Variants in PRND observed in about 807,000 individuals in gnomAD.
The protein encoded by PRND is prion-like protein doppel.
For missense variants in PRND, 227 were observed against 223.3 expected (o/e 1.02, Z -0.11); for synonymous variants, 94 against 93.2 (o/e 1.01, Z -0.05).
chr20:4,722,579 CT>C (rs57057107), intron 1 of PRND, among the ~76,000 whole-genome samples: 26 of 147,476 alleles, frequency 1.8e-4, no homozygotes, highest in South Asian at 2.1e-4. Flanking sequence ...TGTGTTTTGC[CT>C]TTTTTTTTTA....
Position 4,724,902 on chromosome 20 carries a change from G to A in PRND, c.351G>A (p.Gln117=). 1 of 1,614,188 alleles carries A rather than the reference G, an allele frequency of 6.2e-7. No homozygotes were observed. The highest frequency in any genetic ancestry group is 8.5e-7 in the Non-Finnish European group (1 of 1,180,040). The change falls in exon 2 of 2, where the codon CAG becomes CAA. Residue 117 remains glutamine, a synonymous_variant. Transcript: ENST00000305817. This position sits in a 1 kb window ranked among gnomAD's most constrained non-coding sequence, Gnocchi z 4.8. ...TCAATGCCACCCAGGCGGCGAACCA[G>A]GGGGAGTTCCAGAAGCCAGACAACA... ...GCINATQAAN[Q]GEFQKPDNKL...
intron 1 of PRND, among the ~76,000 whole-genome samples, chr20:4,723,938 ATGTGTGTGTGTGTGTGTG>A (rs78289429): frequency 2.7e-5 from 4 of 146,108 alleles, no homozygotes; most frequent in African/African-American, 2.5e-5. Flanking sequence ...TCTCTAAAAT[ATGTGTGTGTGTGTGTGTG>A]TGTGTGTGTG....
chr20:4,724,510 G>A lies in PRND; in HGVS notation c.-11-31G>A, dbSNP rs1392315100. The A allele has an allele frequency of 1.9e-6, 3 of 1,613,126 alleles. No homozygotes were observed. Among genetic ancestry groups the A allele is most frequent in the Non-Finnish European group, 2.5e-6 (3 of 1,179,988 alleles). On this transcript the variant is annotated intron_variant, in intron 1 of 1. Transcript: ENST00000305817. This position sits in a 1 kb window ranked among gnomAD's most constrained non-coding sequence, Gnocchi z 4.8. The stretch of plus-strand genomic sequence containing the variant: ...CAGGGGAGCCCAGGCAGGCCTGGTG[G>A]GGAGCTGACCCACCGCCGTTTCTCT...
rs577086482 is a variant in PRND at position 4,726,421 on chromosome 20, C to G, written c.*1339C>G. ...AAAAATACAATTACTCACCAAAAAG[C>G]TTTAAAAAATAAAGCTGTGTCTTTA... On this transcript the variant is annotated 3_prime_UTR_variant, in exon 2 of 2. Transcript: ENST00000305817. 5.4e-5 allele frequency: 9 copies of G among 167,066 alleles called. 1 individual carries two copies. The South Asian group carries it at 1.9e-3, about 35-fold the overall frequency. 10.3% of individuals were successfully genotyped at this position (167,066 alleles called of 1,614,324 possible). A position where few individuals can be genotyped will look rare whatever the true frequency, so the allele number is the denominator to read the frequency against.
rs59537500 is a variant in PRND, at chr20:4,727,793, C to CTTTTTTTTTTTTTTTTTTTTTTTTTT, written c.*2721_*2722insTTTTTTTTTTTTTTTTTTTTTTTTTT. On this transcript the variant is annotated 3_prime_UTR_variant, in exon 2 of 2. Coordinates refer to ENST00000305817, the MANE Select transcript of PRND (RefSeq NM_012409.4). ...AATGCTTTCTACTCATTTTTCTATA[C>CTTTTTTTTTTTTTTTTTTTTTTTTTT]TTTTTTTTTTGAGGCAGAGTCTCAT... 11 of 142,550 alleles carry CTTTTTTTTTTTTTTTTTTTTTTTTTT rather than the reference C, an allele frequency of 7.7e-5. 1 individual carries two copies. Among genetic ancestry groups the CTTTTTTTTTTTTTTTTTTTTTTTTTT allele is most frequent in the African/African-American group, 2.7e-4 (9 of 33,742 alleles). The allele number at this position is 142,550 out of a possible 1,614,324, so 8.8% of individuals were successfully genotyped here.
chr20:4,723,412 G>GGTCA (rs1923160030), intron 1 of PRND, among the ~76,000 whole-genome samples: 1 of 152,182 alleles, frequency 6.6e-6, no homozygotes, highest in African/African-American at 2.4e-5. Flanking sequence ...ATAAGCAGAT[G>GGTCA]GTCACACTGT....
rs1923244835 is a variant in PRND, at chr20:4,725,786, A to G, written c.*704A>G. 6.0e-6 allele frequency: 1 copy of G among 167,202 alleles called. No homozygotes were observed. Among genetic ancestry groups the G allele is most frequent in the East Asian group, 1.9e-4 (1 of 5,192 alleles). The allele number at this position is 167,202 out of a possible 1,614,324, so 10.4% of individuals were successfully genotyped here. On this transcript the variant is annotated 3_prime_UTR_variant, in exon 2 of 2. Transcript: ENST00000305817. The stretch of plus-strand genomic sequence containing the variant: ...GGCCCAGAAATCATACTGTAAGGAA[A>G]TGTTATTGGAAGCTGATTCCCAGAG...
At chr20:4,723,751 G>A (rs1378811630) in intron 1 of PRND, among the ~76,000 whole-genome samples, 1 of 152,116 alleles carries the variant, frequency 6.6e-6, no homozygotes, top group Non-Finnish European at 1.5e-5. Flanking sequence ...GCAACATAGT[G>A]AGACCCCGTT....
chr20:4,722,996 C>A (rs1346244252), intron 1 of PRND, among the ~76,000 whole-genome samples: 1 of 152,184 alleles, frequency 6.6e-6, no homozygotes, highest in Non-Finnish European at 1.5e-5. Flanking sequence ...GACCCGGGAC[C>A]CTCCTGGTGT....
intron 1 of PRND, among the ~76,000 whole-genome samples, chr20:4,722,417 CA>C (rs1923128809): frequency 6.6e-6 from 1 of 151,844 alleles, no homozygotes; most frequent in Non-Finnish European, 1.5e-5. Context: ...TCACTGTGCT[CA>C]GGAGGCAGAG....
chr20:4,724,914 G>A lies in PRND; in HGVS notation c.363G>A (p.Gln121=), dbSNP rs753753305. The change falls in exon 2 of 2, where the codon CAG becomes CAA. Residue 121 remains glutamine (Q), a synonymous_variant. Transcript: ENST00000305817. This position sits in a 1 kb window ranked among gnomAD's most constrained non-coding sequence, Gnocchi z 4.8. ...ATQAANQGEF[Q]KPDNKLHQQV... ...AGGCGGCGAACCAGGGGGAGTTCCA[G>A]AAGCCAGACAACAAGCTCCACCAGC... is the stretch of plus-strand genomic sequence containing the variant. 12 of 1,614,216 alleles carry A rather than the reference G, an allele frequency of 7.4e-6. No individual in the cohort carries two copies. Among genetic ancestry groups the A allele is most frequent in the Non-Finnish European group, 1.0e-5 (12 of 1,180,052 alleles).
rs1923318502 is a variant in PRND, at chr20:4,727,787, T to C, written c.*2705T>C. On this transcript the variant is annotated 3_prime_UTR_variant, in exon 2 of 2. Coordinates refer to ENST00000305817, the MANE Select transcript of PRND (RefSeq NM_012409.4). ...TAATTCAATGCTTTCTACTCATTTT[T>C]CTATACTTTTTTTTTTGAGGCAGAG... The C allele has an allele frequency of 6.4e-6, 1 of 157,294 alleles. No individual in the cohort carries two copies. The highest frequency in any genetic ancestry group is 1.5e-5 in the Non-Finnish European group (1 of 65,864). The allele number at this position is 157,294 out of a possible 1,614,324, so 9.7% of individuals were successfully genotyped here. A position where few individuals can be genotyped will look rare whatever the true frequency, so the allele number is the denominator to read the frequency against.
chr20:4,723,787 C>G, intron 1 of PRND, among the ~76,000 whole-genome samples: 1 of 151,926 alleles, frequency 6.6e-6, no homozygotes, highest in Non-Finnish European at 1.5e-5. Flanking sequence ...TAAAAATTAG[C>G]TGGGTGTGGT....
rs1465802990 is a variant in PRND at position 4,726,308 on chromosome 20, C to G, written c.*1226C>G. ...ATATGAGTATCTTTAAATATAATCCCTTTACATCTGTGTTCTATGCAAAGT... is the reference window on the plus strand; with the variant it reads ...ATATGAGTATCTTTAAATATAATCCGTTTACATCTGTGTTCTATGCAAAGT... On this transcript the variant is annotated 3_prime_UTR_variant, in exon 2 of 2. Transcript: ENST00000305817. 1 of 166,834 alleles carries G rather than the reference C, an allele frequency of 6.0e-6. No individual in the cohort carries two copies. The highest frequency in any genetic ancestry group is 1.5e-5 in the Non-Finnish European group (1 of 68,096). The allele number at this position is 166,834 out of a possible 1,614,324, so 10.3% of individuals were successfully genotyped here.
rs768711861 is a variant in PRND, at chr20:4,724,560, G to A, written c.9G>A (p.Lys3=). 1 of 1,614,010 alleles carries A rather than the reference G, an allele frequency of 6.2e-7. No individual in the cohort carries two copies. The highest frequency in any genetic ancestry group is 1.1e-5 in the South Asian group (1 of 91,080). MR[K]HLSWWWLATV... is the part of the protein sequence containing the mutation. Reference sequence around the variant, plus strand: ...TGGCAGGTTCTGACGCGATGAGGAAGCACCTGAGCTGGTGGTGGCTGGCCA... The same window carrying A: ...TGGCAGGTTCTGACGCGATGAGGAAACACCTGAGCTGGTGGTGGCTGGCCA... Residue 3 remains lysine, a synonymous_variant, in exon 2 of 2, where the codon AAG becomes AAA. Coordinates refer to ENST00000305817, the MANE Select transcript of PRND (RefSeq NM_012409.4). This position sits in a 1 kb window ranked among gnomAD's most constrained non-coding sequence, Gnocchi z 4.8.
chr20:4,722,941 T>C (rs1601037057), intron 1 of PRND, among the ~76,000 whole-genome samples: 2 of 152,200 alleles, frequency 1.3e-5, no homozygotes, highest in Admixed American at 6.5e-5. Flanking sequence ...GAGGGGCTTT[T>C]CCATGACATC....
chr20:4,726,293 C>T lies in PRND; in HGVS notation c.*1211C>T, dbSNP rs1233222072. 6.0e-6 allele frequency: 1 copy of T among 167,032 alleles called. No individual in the cohort carries two copies. 10.3% of individuals were successfully genotyped at this position (167,032 alleles called of 1,614,324 possible). On this transcript the variant is annotated 3_prime_UTR_variant, in exon 2 of 2. Coordinates refer to ENST00000305817, the MANE Select transcript of PRND (RefSeq NM_012409.4). Reference sequence around the variant, plus strand: ...GTTTTATGTGCACTCATATGAGTATCTTTAAATATAATCCCTTTACATCTG... The same window carrying T: ...GTTTTATGTGCACTCATATGAGTATTTTTAAATATAATCCCTTTACATCTG...
Position 4,727,454 on chromosome 20 carries a change from G to A in PRND, c.*2372G>A, listed in dbSNP as rs924975054. ...AGGGGCAATGGGGTGCCTACTATGT[G>A]CGAGACATTGGGAGGGGCTTCTGAA... On this transcript the variant is annotated 3_prime_UTR_variant, in exon 2 of 2. Transcript: ENST00000305817. 2.4e-5 allele frequency: 4 copies of A among 167,102 alleles called. No individual in the cohort carries two copies. Among genetic ancestry groups the A allele is most frequent in the Admixed American group, 6.5e-5 (1 of 15,284 alleles). 10.4% of individuals were successfully genotyped at this position (167,102 alleles called of 1,614,324 possible). A position where few individuals can be genotyped will look rare whatever the true frequency, so the allele number is the denominator to read the frequency against.
At position 4,727,114 on chromosome 20, in the gene PRND, T is replaced by G. The variant is rs565324971; in HGVS notation, c.*2032T>G. On this transcript the variant is annotated 3_prime_UTR_variant, in exon 2 of 2. Coordinates refer to ENST00000305817, the MANE Select transcript of PRND (RefSeq NM_012409.4). ...AAGTACTCAGAGGCTGACACTGACA[T>G]TTCACTTCCTCGCTCTCCTAAGTTT... 4 of 167,222 alleles carry G rather than the reference T, an allele frequency of 2.4e-5. No homozygotes were observed. In the East Asian group the frequency reaches 5.8e-4, roughly 24 times the overall value. The allele number at this position is 167,222 out of a possible 1,614,324, so 10.4% of individuals were successfully genotyped here.
Sources: gnomAD v4.1 joint callset for allele counts (sites outside exome capture counted in the v4.1 genomes callset) on GRCh38, gnomAD v4.1.1 for gene constraint, Gnocchi (gnomAD v3.1) non-coding constraint, MANE v1.5 for transcripts, NCBI Gene and HGNC (gene_info 2026-07-23, HGNC 2026-07-21) for gene names.